RNF145: variants seen among roughly 807,000 people sequenced by gnomAD.
RNF145 encodes the protein ring finger protein 145.
Under a neutral mutation model 57.3 loss-of-function variants are expected in RNF145, and 12 were observed. The observed-to-expected ratio is 0.21, with a 90% confidence interval of 0.13 to 0.34. RNF145 has a LOEUF of 0.34. RNF145 is among the 10% of genes least tolerant of loss of function. The pLI is 1.00. For missense variants in RNF145, 429 were observed against 799.0 expected (o/e 0.54, Z 5.58); for synonymous variants, 262 against 288.3 (o/e 0.91, Z 0.92).
intron 7 of RNF145, 132 bp from the exon 8 acceptor site, chr5:159,169,187 A>C (rs1257094586): frequency 1.5e-6 from 1 of 660,468 alleles, no homozygotes; most frequent in Non-Finnish European, 2.4e-6. Context: ...CCAGACTAAA[A>C]ACCTGATCAG....
chr5:159,210,002 A>C, upstream of RNF145: 1 of 1,102,008 alleles, frequency 9.1e-7, no homozygotes, highest in South Asian at 1.4e-5. Flanking sequence ...CGTGCCCAGC[A>C]CCAAGTGCAG....
intron 1 of RNF145, among the ~76,000 whole-genome samples, chr5:159,204,997 T>C (rs943777987): frequency 6.6e-6 from 1 of 152,092 alleles, no homozygotes; most frequent in Non-Finnish European, 1.5e-5. Context: ...TGCAGAAAAT[T>C]ATAGTGACAG....
chr5:159,174,812 AACTC>A (rs1168902933), intron 5 of RNF145, among the ~76,000 whole-genome samples: 1 of 152,166 alleles, frequency 6.6e-6, no homozygotes, highest in African/African-American at 2.4e-5. Context: ...AATAATCTGC[AACTC>A]ACTAAATTAG....
At chr5:159,204,088 T>C (rs1020158542) in intron 1 of RNF145, among the ~76,000 whole-genome samples, 1 of 152,254 alleles carries the variant, frequency 6.6e-6, no homozygotes, top group South Asian at 2.1e-4. Flanking sequence ...AAAAACTTGA[T>C]AACTGCACGT....
intron 3 of RNF145, among the ~76,000 whole-genome samples, chr5:159,189,044 C>A (rs1785186320): frequency 6.6e-6 from 1 of 151,898 alleles, no homozygotes. Context: ...ATAAACTATG[C>A]CTTGATATAA....
chr5:159,193,239 G>C (rs1189451426), intron 3 of RNF145, among the ~76,000 whole-genome samples: 1 of 152,198 alleles, frequency 6.6e-6, no homozygotes, highest in African/African-American at 2.4e-5. Flanking sequence ...TAAACATTGT[G>C]AGGATTGCAA....
intron 2 of RNF145, among the ~76,000 whole-genome samples, chr5:159,202,736 T>A (rs1785712741): frequency 6.6e-6 from 1 of 152,214 alleles, no homozygotes; most frequent in Non-Finnish European, 1.5e-5. Flanking sequence ...AATATATTGC[T>A]ATATACATTA....
intron 8 of RNF145, among the ~76,000 whole-genome samples, chr5:159,167,364 C>A (rs1784421890): frequency 6.6e-6 from 1 of 152,192 alleles, no homozygotes; most frequent in South Asian, 2.1e-4. Flanking sequence ...TACAACACTT[C>A]TCAGTTTGCT....
intron 9 of RNF145, among the ~76,000 whole-genome samples, chr5:159,162,661 C>T (rs912282002): frequency 1.8e-4 from 28 of 151,832 alleles, no homozygotes; most frequent in African/African-American, 6.5e-4. Context: ...GTCTCGATCT[C>T]CTGACCTCAT....
In RNF145 at chr5:159,157,717, G is replaced by T. The variant is rs1339649965; in HGVS notation, c.*953C>A. 2 of 152,744 alleles carry T rather than the reference G, an allele frequency of 1.3e-5. No homozygotes were observed. Among genetic ancestry groups the T allele is most frequent in the African/African-American group, 4.8e-5 (2 of 41,428 alleles). 9.5% of individuals were successfully genotyped at this position (152,744 alleles called of 1,614,324 possible). On this transcript the variant is annotated 3_prime_UTR_variant, in exon 11 of 11. Coordinates refer to ENST00000424310, the MANE Select transcript of RNF145 (RefSeq NM_001199383.2). ...ATTAACAGCTTTAAAAGTGGCATTT[G>T]CAGAGTGTGATCATACAGTTATGTA...
intron 1 of RNF145, chr5:159,207,749 A>G (rs751864862): frequency 1.9e-6 from 3 of 1,614,164 alleles, no homozygotes; most frequent in East Asian, 2.2e-5. Flanking sequence ...CTAACTTTGT[A>G]TGTACCTGAT....
intron 3 of RNF145, among the ~76,000 whole-genome samples, chr5:159,194,104 A>T (rs1413961874): frequency 2.0e-5 from 3 of 152,238 alleles, no homozygotes; most frequent in Non-Finnish European, 4.4e-5. Context: ...ATAGAAGGTT[A>T]GCTATACAAT....
intron 9 of RNF145, among the ~76,000 whole-genome samples, chr5:159,162,278 C>A (rs1005596870): frequency 3.9e-5 from 6 of 152,128 alleles, no homozygotes; most frequent in African/African-American, 1.4e-4. Context: ...CTAACACAAG[C>A]TCTAAAAACT....
chr5:159,200,510 C>A (rs1262217757), intron 2 of RNF145, among the ~76,000 whole-genome samples: 2 of 152,000 alleles, frequency 1.3e-5, no homozygotes, highest in African/African-American at 4.8e-5. Context: ...ATACCTATAA[C>A]ACACTATTCA....
chr5:159,169,209 T>G (rs537887647), intron 7 of RNF145, among the ~76,000 whole-genome samples, 154 bp from the exon 8 acceptor site: 1 of 152,240 alleles, frequency 6.6e-6, no homozygotes, highest in East Asian at 1.9e-4. Flanking sequence ...ATATTAACTT[T>G]GTAACATTAA....
At position 159,163,085 on chromosome 5, in the gene RNF145, GA is replaced by G. The variant is rs1014441793; in HGVS notation, c.1122-7del. 6.3e-7 allele frequency: 1 copy of G among 1,586,750 alleles called. No individual in the cohort carries two copies. Among genetic ancestry groups the G allele is most frequent in the African/African-American group, 1.4e-5 (1 of 72,880 alleles). On this transcript the variant is annotated splice_region_variant and splice_polypyrimidine_tract_variant and intron_variant, in intron 8 of 10. Transcript: ENST00000424310. ...GGAAGTGTTTCCACAAGCTCCTGGA[GA>G]AAGACAAAATTATTCTTTTTAAGTG...
At chr5:159,189,658 TA>T (rs1785216059) in intron 3 of RNF145, among the ~76,000 whole-genome samples, 1 of 152,226 alleles carries the variant, frequency 6.6e-6, no homozygotes, top group Non-Finnish European at 1.5e-5. Context: ...GTCATAACAT[TA>T]TTCATAATAG....
At chr5:159,206,961 CAAA>C (rs34238590) in intron 1 of RNF145, among the ~76,000 whole-genome samples, 1 of 140,272 alleles carries the variant, frequency 7.1e-6, no homozygotes, top group Non-Finnish European at 1.5e-5. Context: ...AAAAACAAAC[CAAA>C]AAAAAAAAAG....
At position 159,209,276 on chromosome 5, in the gene RNF145, C is replaced by T. The variant is rs1786020785; in HGVS notation, c.-85G>A. The T allele has an allele frequency of 1.0e-6, 1 of 985,296 alleles. No homozygotes were observed. The highest frequency in any genetic ancestry group is 1.7e-5 in the African/African-American group (1 of 57,320). The allele number at this position is 985,296 out of a possible 1,614,324, so 61.0% of individuals were successfully genotyped here. A position where few individuals can be genotyped will look rare whatever the true frequency, so the allele number is the denominator to read the frequency against. On this transcript the variant is annotated 5_prime_UTR_variant, in exon 1 of 11. Coordinates refer to ENST00000424310, the MANE Select transcript of RNF145 (RefSeq NM_001199383.2). ...CCTGGGGAGCGGCGCTGCCGGCGGGCGGGCTCCGCAACTCCCCGGCTCTCT... is the reference window on the plus strand; with the variant it reads ...CCTGGGGAGCGGCGCTGCCGGCGGGTGGGCTCCGCAACTCCCCGGCTCTCT...
Sources: allele counts gnomAD v4.1 joint callset (sites outside exome capture counted in the v4.1 genomes callset), GRCh38; gene constraint gnomAD v4.1.1; transcripts MANE v1.5; gene names NCBI Gene and HGNC (gene_info 2026-07-23, HGNC 2026-07-21).